PLXDC2: variants seen among roughly 807,000 people sequenced by gnomAD.
The protein encoded by PLXDC2 is plexin domain containing 2.
PLXDC2 carries 40 observed loss-of-function variants against 68.9 expected under a neutral mutation model. The observed-to-expected ratio is 0.58, with a 90% confidence interval of 0.45 to 0.76. The LOEUF is 0.76. PLXDC2 is among the 30% of genes least tolerant of loss of function. The pLI, the probability that PLXDC2 is intolerant of heterozygous loss-of-function variation, is 0.00. For synonymous variants in PLXDC2, 243 were observed against 234.2 expected (o/e 1.04, Z -0.34); for missense variants, 644 against 661.9 (o/e 0.97, Z 0.30).
intron 1 of PLXDC2, among the ~76,000 whole-genome samples, chr10:19,868,236 C>G (rs1223257032): frequency 1.3e-5 from 2 of 151,828 alleles, no homozygotes; most frequent in Non-Finnish European, 2.9e-5. Context: ...GGCATAATAC[C>G]CGATAGGTAG....
chr10:20,008,731 A>T (rs750538036), intron 2 of PLXDC2, among the ~76,000 whole-genome samples: 1 of 152,018 alleles, frequency 6.6e-6, no homozygotes, highest in Non-Finnish European at 1.5e-5. Flanking sequence ...CATAATTCCC[A>T]TGTGTTGTGG....
chr10:19,902,317 T>G (rs1477386197), intron 1 of PLXDC2, among the ~76,000 whole-genome samples: 2 of 152,236 alleles, frequency 1.3e-5, no homozygotes, highest in African/African-American at 2.4e-5. Flanking sequence ...GGGATGTGTT[T>G]GCATTTGTTT....
chr10:19,920,910 T>G (rs991019755), intron 1 of PLXDC2, among the ~76,000 whole-genome samples: 1 of 151,920 alleles, frequency 6.6e-6, no homozygotes, highest in Non-Finnish European at 1.5e-5. Flanking sequence ...ATGATTTTTA[T>G]TATTTTTATT....
chr10:20,068,106 T>C, intron 3 of PLXDC2, 64 bp from the exon 4 acceptor site: 1 of 1,370,626 alleles, frequency 7.3e-7, no homozygotes, highest in Non-Finnish European at 1.0e-6. Flanking sequence ...AGTGAAAGGC[T>C]CTTCATTTCA....
intron 7 of PLXDC2, among the ~76,000 whole-genome samples, chr10:20,175,973 G>A (rs1362391337): frequency 6.6e-6 from 1 of 152,010 alleles, no homozygotes; most frequent in East Asian, 1.9e-4. Context: ...CCAAACCCAG[G>A]CGAGCACATT....
intron 9 of PLXDC2, among the ~76,000 whole-genome samples, chr10:20,185,068 T>C (rs1321631633): frequency 7.0e-6 from 1 of 142,370 alleles, no homozygotes; most frequent in African/African-American, 2.6e-5. Flanking sequence ...AAAACCTAGA[T>C]GGCAGGTTGA....
At chr10:20,068,814 A>G (rs1416603380) in intron 4 of PLXDC2, among the ~76,000 whole-genome samples, 1 of 151,914 alleles carries the variant, frequency 6.6e-6, no homozygotes, top group African/African-American at 2.4e-5. Context: ...TTTCTCCACA[A>G]GCTTGGAGGT....
At chr10:20,011,401 T>A (rs1444528195) in intron 2 of PLXDC2, among the ~76,000 whole-genome samples, 1 of 152,122 alleles carries the variant, frequency 6.6e-6, no homozygotes, top group Non-Finnish European at 1.5e-5. Context: ...AATTCACATT[T>A]GAGGATCCCA....
At chr10:19,941,746 A>G (rs1437340433) in intron 1 of PLXDC2, among the ~76,000 whole-genome samples, 3 of 152,174 alleles carry the variant, frequency 2.0e-5, no homozygotes, top group Non-Finnish European at 4.4e-5. Context: ...ACATGGCCAT[A>G]GGTTTTCTTT....
intron 1 of PLXDC2, among the ~76,000 whole-genome samples, chr10:19,837,319 C>A (rs1352817927): frequency 6.6e-6 from 1 of 151,840 alleles, no homozygotes; most frequent in Non-Finnish European, 1.5e-5. Context: ...GGTTATCTTT[C>A]AGGATAGATC....
At chr10:20,259,007 C>CAAAAAAAAAA (rs59615493) in intron 13 of PLXDC2, among the ~76,000 whole-genome samples, 2 of 102,132 alleles carry the variant, frequency 2.0e-5, no homozygotes, top group Non-Finnish European at 4.2e-5. Context: ...TACTCCGTCT[C>CAAAAAAAAAA]AAAAAAAAAA....
At position 20,099,911 on chromosome 10, in the gene PLXDC2, A is replaced by AT. The variant is rs1489559445; in HGVS notation, c.541+31675dup. Among the ~76,000 whole-genome samples, 8 of 152,290 alleles carry AT rather than the reference A, an allele frequency of 5.3e-5. No homozygotes were observed. In the East Asian group the frequency reaches 1.5e-3, roughly 29 times the overall value. On this transcript the variant is annotated intron_variant, in intron 4 of 13. Transcript: ENST00000377252. Reference sequence around the variant, plus strand: ...GCAAAAGTAATACTGCACGGTTACGATTTATGGGGCCTAAAAACACAAACC... The same window carrying AT: ...GCAAAAGTAATACTGCACGGTTACGATTTTATGGGGCCTAAAAACACAAACC...
chr10:19,853,824 T>C (rs1290023139), intron 1 of PLXDC2, among the ~76,000 whole-genome samples: 2 of 152,186 alleles, frequency 1.3e-5, no homozygotes, highest in Non-Finnish European at 2.9e-5. Flanking sequence ...TCTTGGAATA[T>C]ATCTTTATGT....
intron 12 of PLXDC2, among the ~76,000 whole-genome samples, chr10:20,236,304 G>T (rs1835431432): frequency 6.6e-6 from 1 of 152,000 alleles, no homozygotes; most frequent in Non-Finnish European, 1.5e-5. Context: ...AGTTAGCCAG[G>T]AATGGTGGTG....
In PLXDC2 at chr10:20,277,824, A is replaced by C. The variant is rs561704591; in HGVS notation, c.1474-1879A>C. 4.8e-3 allele frequency among the ~76,000 whole-genome samples: 724 copies of C among 152,184 alleles called. 5 individuals carry two copies. Among genetic ancestry groups the C allele is most frequent in the African/African-American group, 0.017 (686 of 41,522 alleles). ...TTGGGGGGACCCATTAACTATCCCCACCTCCTCCCAACCCTGTCACTACCC... is the reference window on the plus strand; with the variant it reads ...TTGGGGGGACCCATTAACTATCCCCCCCTCCTCCCAACCCTGTCACTACCC... On this transcript the variant is annotated intron_variant, in intron 13 of 13. Transcript: ENST00000377252.
chr10:19,940,335 A>G (rs1428374976), intron 1 of PLXDC2, among the ~76,000 whole-genome samples: 1 of 152,124 alleles, frequency 6.6e-6, no homozygotes, highest in Non-Finnish European at 1.5e-5. Flanking sequence ...ATGCACGTTA[A>G]CATTCAGAAT....
chr10:20,062,073 T>C (rs1347378958), intron 3 of PLXDC2, among the ~76,000 whole-genome samples: 2 of 152,348 alleles, frequency 1.3e-5, no homozygotes, highest in South Asian at 2.1e-4. Context: ...TTGATCCTTA[T>C]GATAATCTTT....
chr10:20,144,507 C>G (rs1834047732), intron 5 of PLXDC2, among the ~76,000 whole-genome samples: 1 of 152,086 alleles, frequency 6.6e-6, no homozygotes, highest in Non-Finnish European at 1.5e-5. Flanking sequence ...AGGTATGATC[C>G]AATATTAGGT....
chr10:20,277,019 G>T (rs1404490391), intron 13 of PLXDC2, among the ~76,000 whole-genome samples: 1 of 151,944 alleles, frequency 6.6e-6, no homozygotes, highest in Non-Finnish European at 1.5e-5. Flanking sequence ...AGACCAGCCT[G>T]GCCAAGATGG....
Sources: gnomAD v4.1 joint callset for allele counts (sites outside exome capture counted in the v4.1 genomes callset) on GRCh38, gnomAD v4.1.1 for gene constraint, MANE v1.5 for transcripts, NCBI Gene and HGNC (gene_info 2026-07-23, HGNC 2026-07-21) for gene names.